SLC35F1: variants seen among roughly 807,000 people sequenced by gnomAD.
SLC35F1 encodes solute carrier family 35 member F1.
A neutral mutation model predicts 48.7 loss-of-function variants in SLC35F1; 14 were observed. The observed-to-expected ratio is 0.29, with a 90% CI of 0.19 to 0.45. The LOEUF (loss-of-function observed/expected upper bound fraction) is 0.45. SLC35F1 is among the 20% of genes least tolerant of loss of function. SLC35F1 has a pLI of 1.00. For synonymous variants in SLC35F1, 190 were observed against 202.2 expected, an observed-to-expected ratio of 0.94 and a Z score of 0.51; for missense variants, 404 against 500.0, an observed-to-expected ratio of 0.81 and a Z score of 1.83.
chr6:118,143,324 A>C (rs1398012907), intron 1 of SLC35F1, among the ~76,000 whole-genome samples: 1 of 152,212 alleles, frequency 6.6e-6, no homozygotes, highest in African/African-American at 2.4e-5. Context: ...GAAAAATGCC[A>C]AAGTCATTTA....
chr6:118,255,645 C>T (rs1469290608), intron 3 of SLC35F1, among the ~76,000 whole-genome samples: 1 of 152,132 alleles, frequency 6.6e-6, no homozygotes, highest in Non-Finnish European at 1.5e-5. Flanking sequence ...AGTGAATAAA[C>T]TTGAGCAACT....
At position 117,963,455 on chromosome 6, in the gene SLC35F1, C is replaced by T. The variant is rs1008507622; in HGVS notation, c.173+55556C>T. ...CATATGCACAAAATGGTTACATGTG[C>T]GCATTCTAAGGGTAAAACTAATTTT... On this transcript the variant is annotated intron_variant, in intron 1 of 7. Transcript: ENST00000360388. Among the ~76,000 whole-genome samples, 17 of 151,628 alleles carry T rather than the reference C, an allele frequency of 1.1e-4. No homozygotes were observed. The East Asian group carries it at 1.5e-3, about 14-fold the overall frequency.
chr6:118,027,614 C>T (rs1046165407), intron 1 of SLC35F1, among the ~76,000 whole-genome samples: 10 of 152,016 alleles, frequency 6.6e-5, no homozygotes, highest in African/African-American at 2.4e-4. Flanking sequence ...AATCTCCCCT[C>T]ACCTCGCCCT....
At chr6:118,225,479 C>T (rs576804365) in intron 2 of SLC35F1, among the ~76,000 whole-genome samples, 11 of 152,220 alleles carry the variant, frequency 7.2e-5, no homozygotes, top group African/African-American at 2.6e-4. Flanking sequence ...TCAACATATA[C>T]AAAAATCTAA....
At chr6:118,215,953 G>A (rs561385875) in intron 2 of SLC35F1, among the ~76,000 whole-genome samples, 6 of 152,234 alleles carry the variant, frequency 3.9e-5, no homozygotes, top group African/African-American at 1.4e-4. Context: ...AATGGCAGAT[G>A]TTAAAGTGTA....
rs573467399 is a variant in SLC35F1 at position 118,104,502 on chromosome 6, A to G, written c.174-49943A>G. Among the ~76,000 whole-genome samples, 64 of 152,274 alleles carry G rather than the reference A, an allele frequency of 4.2e-4. 2 individuals are homozygous for G. The South Asian group carries it at 7.7e-3, about 18-fold the overall frequency. The stretch of plus-strand genomic sequence containing the variant: ...TCAATAAATGTTAGCTATTTTCTTT[A>G]TATACTTAGAGAAGATTTTGTAAGT... On this transcript the variant is annotated intron_variant, in intron 1 of 7. Transcript: ENST00000360388.
intron 2 of SLC35F1, among the ~76,000 whole-genome samples, chr6:118,234,801 A>C (rs2114582480): frequency 6.6e-6 from 1 of 152,336 alleles, no homozygotes; most frequent in East Asian, 1.9e-4. Flanking sequence ...GCCTTGAGAA[A>C]TAAGGTTTAT....
At chr6:118,104,912 C>G (rs1343002021) in intron 1 of SLC35F1, among the ~76,000 whole-genome samples, 1 of 152,150 alleles carries the variant, frequency 6.6e-6, no homozygotes, top group Non-Finnish European at 1.5e-5. Flanking sequence ...ACACATGAGC[C>G]TTCTTGTTCC....
At chr6:117,983,041 C>A (rs1776802473) in intron 1 of SLC35F1, among the ~76,000 whole-genome samples, 1 of 152,132 alleles carries the variant, frequency 6.6e-6, no homozygotes, top group Non-Finnish European at 1.5e-5. Context: ...TTAAATTTCA[C>A]CTATTTCTCT....
chr6:118,155,085 A>G (rs1774119387), intron 2 of SLC35F1, among the ~76,000 whole-genome samples: 1 of 152,260 alleles, frequency 6.6e-6, no homozygotes, highest in Admixed American at 6.5e-5. Flanking sequence ...GAAAAAGAAA[A>G]AAATAAAACT....
At chr6:118,252,220 A>G (rs972373276) in intron 3 of SLC35F1, among the ~76,000 whole-genome samples, 2 of 152,030 alleles carry the variant, frequency 1.3e-5, no homozygotes, top group African/African-American at 4.8e-5. Context: ...ACCTTTAAGG[A>G]GTAGAAGTGG....
chr6:118,247,506 AAAT>A (rs1236944683), intron 3 of SLC35F1, among the ~76,000 whole-genome samples: 1 of 152,232 alleles, frequency 6.6e-6, no homozygotes, highest in Non-Finnish European at 1.5e-5. Flanking sequence ...TGTGTTCCCA[AAAT>A]AATATTTTCA....
chr6:118,075,057 G>A (rs1015450028), intron 1 of SLC35F1, among the ~76,000 whole-genome samples: 3 of 152,124 alleles, frequency 2.0e-5, no homozygotes, highest in African/African-American at 4.8e-5. Context: ...TGCTCTACGT[G>A]TGTTCAGTCT....
chr6:118,315,776 A>G lies in SLC35F1; in HGVS notation c.*1524A>G. The G allele has an allele frequency of 6.6e-6, 1 of 152,196 alleles. No homozygotes were observed. Among genetic ancestry groups the G allele is most frequent in the Non-Finnish European group, 1.5e-5 (1 of 68,044 alleles). The allele number at this position is 152,196 out of a possible 1,614,324, so 9.4% of individuals were successfully genotyped here. A position where few individuals can be genotyped will look rare whatever the true frequency, so the allele number is the denominator to read the frequency against. ...TTATGGACCCAGAGAATACTGCAGG[A>G]TCCTGATAAGACCTTGAGTGATATG... On this transcript the variant is annotated 3_prime_UTR_variant, in exon 8 of 8. Coordinates refer to ENST00000360388, the MANE Select transcript of SLC35F1 (RefSeq NM_001029858.4).
rs1329774292 is a variant in SLC35F1, at chr6:118,277,494, A to C, written c.795A>C (p.Leu265Phe). 6.2e-7 allele frequency: 1 copy of C among 1,613,882 alleles called. No homozygotes were observed. The highest frequency in any genetic ancestry group is 1.3e-5 in the African/African-American group (1 of 75,052). The stretch of plus-strand genomic sequence containing the variant: ...AGGTTCATTTCCTTTGAATTTGCAG[A>C]GCTATAATGGAGCATAAGGAACTGT... The part of the protein sequence containing the change: ...LFGAFFSGIQ[L>F]AIMEHKELLK... Residue 265 changes from leucine to phenylalanine, a missense_variant and splice_region_variant, in exon 6 of 8, where the codon TTA (leucine) becomes TTC (phenylalanine). Leu to Phe is a conservative substitution (Grantham distance 22). Around this residue, in one of 2 missense-constraint regions of SLC35F1, gnomAD observed 306 missense variants for 419.1 expected, o/e 0.73. Coordinates refer to ENST00000360388, the MANE Select transcript of SLC35F1 (RefSeq NM_001029858.4).
chr6:118,060,845 C>T (rs1052827568), intron 1 of SLC35F1, among the ~76,000 whole-genome samples: 2 of 152,162 alleles, frequency 1.3e-5, no homozygotes, highest in African/African-American at 2.4e-5. Context: ...CATTGAGGCT[C>T]AGACAAATTA....
Position 117,907,906 on chromosome 6 carries a change from G to A in SLC35F1, c.173+7G>A. The A allele has an allele frequency of 7.5e-7, 1 of 1,325,750 alleles. No individual in the cohort carries two copies. The highest frequency in any genetic ancestry group is 3.1e-5 in the East Asian group (1 of 32,534). 82.1% of individuals were successfully genotyped at this position (1,325,750 alleles called of 1,614,324 possible). On this transcript the variant is annotated splice_region_variant and intron_variant, in intron 1 of 7. Coordinates refer to ENST00000360388, the MANE Select transcript of SLC35F1 (RefSeq NM_001029858.4). ...TCCGCAAAGTGCTGAACAGGTGAGC[G>A]GCGGCGCCGGGCGAGGGCGCGGGGG...
intron 1 of SLC35F1, among the ~76,000 whole-genome samples, chr6:118,009,331 T>C (rs1181536190): frequency 2.6e-5 from 4 of 152,162 alleles, no homozygotes; most frequent in Admixed American, 2.6e-4. Context: ...TTACAGGTGG[T>C]TAAATGGCAG....
chr6:117,978,701 A>G (rs1055833561), intron 1 of SLC35F1, among the ~76,000 whole-genome samples: 1 of 152,150 alleles, frequency 6.6e-6, no homozygotes, highest in Non-Finnish European at 1.5e-5. Flanking sequence ...GTCTCATTTA[A>G]GGCTACCTTG....
Sources: gnomAD v4.1 joint callset for allele counts (sites outside exome capture counted in the v4.1 genomes callset) on GRCh38, gnomAD v4.1.1 for gene constraint, gnomAD v4.1.1 regional missense constraint, MANE v1.5 for transcripts, NCBI Gene and HGNC (gene_info 2026-07-23, HGNC 2026-07-21) for gene names.